XKR9: variants seen among roughly 807,000 people sequenced by gnomAD.
XKR9 encodes XK-related protein 9.
A neutral mutation model predicts 32.0 loss-of-function variants in XKR9; 32 were observed. The ratio of observed to expected loss-of-function variants is 1.00; its 90% confidence interval spans 0.76 to 1.34. The LOEUF is 1.34. XKR9 is among the 40% of genes most tolerant of loss of function. XKR9 has a pLI of 0.00. For synonymous variants in XKR9, 168 were observed against 143.4 expected (o/e 1.17, Z -1.22); for missense variants, 546 against 429.7 (o/e 1.27, Z -2.39).
chr8:70,914,958 A>T, the XKR9 span, among the ~76,000 whole-genome samples: 1 of 152,302 alleles, frequency 6.6e-6, no homozygotes, highest in African/African-American at 2.4e-5. Flanking sequence ...TGGAGTTATT[A>T]TTCAAAACAG....
the XKR9 span, among the ~76,000 whole-genome samples, chr8:70,986,049 AAAT>A: frequency 6.6e-6 from 1 of 152,252 alleles, no homozygotes; most frequent in African/African-American, 2.4e-5. Context: ...ATTACAGACC[AAAT>A]AATAATACTT....
At chr8:70,784,457 T>C (rs1484562724) in intron 2 of XKR9, among the ~76,000 whole-genome samples, 1 of 152,090 alleles carries the variant, frequency 6.6e-6, no homozygotes, top group Non-Finnish European at 1.5e-5. Context: ...TTGTACCTAT[T>C]GTAAGTGGGA....
At chr8:70,854,521 T>G in the XKR9 span, among the ~76,000 whole-genome samples, 9 of 152,150 alleles carry the variant, frequency 5.9e-5, no homozygotes, top group South Asian at 2.1e-4. Flanking sequence ...AAGCTCTTTA[T>G]TTTAATTAGA....
intron 3 of XKR9, among the ~76,000 whole-genome samples, chr8:70,693,378 C>T (rs1377217924): frequency 6.6e-6 from 1 of 152,130 alleles, no homozygotes; most frequent in African/African-American, 2.4e-5. Context: ...GCTTATCAGT[C>T]AGTTGGTAGA....
chr8:70,855,826 C>T, the XKR9 span, among the ~76,000 whole-genome samples: 1 of 152,204 alleles, frequency 6.6e-6, no homozygotes, highest in African/African-American at 2.4e-5. Context: ...CAATATTCAA[C>T]AATCTTAAAG....
At chr8:70,698,559 G>A (rs925291986) in intron 3 of XKR9, among the ~76,000 whole-genome samples, 6 of 151,932 alleles carry the variant, frequency 3.9e-5, no homozygotes, top group Non-Finnish European at 5.9e-5. Context: ...ACAGTTTGTT[G>A]TAATTTCTGT....
chr8:70,947,462 A>T, the XKR9 span, among the ~76,000 whole-genome samples: 4 of 152,224 alleles, frequency 2.6e-5, no homozygotes, highest in African/African-American at 9.6e-5. Context: ...TTAAGTACAA[A>T]TATATCATTT....
chr8:70,773,360 C>T (rs1339556129), intron 2 of XKR9, among the ~76,000 whole-genome samples: 1 of 152,166 alleles, frequency 6.6e-6, no homozygotes, highest in Non-Finnish European at 1.5e-5. Flanking sequence ...ATTCTGCCTG[C>T]AAGAGGCTAA....
chr8:70,895,821 C>CAA, the XKR9 span, among the ~76,000 whole-genome samples: 8,837 of 63,652 alleles, frequency 0.14, 413 homozygotes, highest in Non-Finnish European at 0.17. Context: ...CCTACCTCTA[C>CAA]AAAAAAAAAA....
chr8:70,801,016 G>A, the XKR9 span, among the ~76,000 whole-genome samples: 111 of 145,484 alleles, frequency 7.6e-4, no homozygotes, highest in Middle Eastern at 3.7e-3. Context: ...TCTGGTGTTC[G>A]TAGTAATATC....
chr8:70,995,298 A>G, the XKR9 span, among the ~76,000 whole-genome samples: 2 of 152,208 alleles, frequency 1.3e-5, no homozygotes, highest in Non-Finnish European at 2.9e-5. Context: ...GAAATTAAGA[A>G]ATAACTATGA....
At chr8:70,813,067 A>G in the XKR9 span, among the ~76,000 whole-genome samples, 1 of 152,160 alleles carries the variant, frequency 6.6e-6, no homozygotes, top group Non-Finnish European at 1.5e-5. Flanking sequence ...AGTAACCAAA[A>G]CAGCATGGTA....
chr8:70,757,548 CATGTATGT>C (rs57117853), intron 2 of XKR9, among the ~76,000 whole-genome samples: 3,186 of 150,328 alleles, frequency 0.021, 112 homozygotes, highest in African/African-American at 0.069. Context: ...CTTCTTTCAT[CATGTATGT>C]ATGTATGTAT....
chr8:70,969,016 G>A, the XKR9 span, among the ~76,000 whole-genome samples: 4 of 152,058 alleles, frequency 2.6e-5, no homozygotes, highest in East Asian at 1.9e-4. Context: ...CAGACCTCCC[G>A]GACTCTAAAG....
intron 4 of XKR9, among the ~76,000 whole-genome samples, chr8:70,722,273 A>T (rs1255393486): frequency 2.0e-5 from 3 of 152,124 alleles, no homozygotes; most frequent in African/African-American, 2.4e-5. Flanking sequence ...GTGTCTTTTA[A>T]TTGGAGCATT....
At chr8:70,910,531 A>G in the XKR9 span, among the ~76,000 whole-genome samples, 1 of 152,204 alleles carries the variant, frequency 6.6e-6, no homozygotes, top group Non-Finnish European at 1.5e-5. Flanking sequence ...CATTTATTAG[A>G]ACCCTATTAC....
the XKR9 span, among the ~76,000 whole-genome samples, chr8:70,819,790 A>G: frequency 6.6e-6 from 1 of 152,138 alleles, no homozygotes; most frequent in Non-Finnish European, 1.5e-5. Context: ...CCATTAGTTA[A>G]TCGTTCCTGT....
chr8:71,051,735 G>A, the XKR9 span, among the ~76,000 whole-genome samples: 4 of 152,170 alleles, frequency 2.6e-5, no homozygotes, highest in Admixed American at 1.3e-4. Context: ...TTACAAAGGC[G>A]ATAATAGAAA....
chr8:70,854,954 A>G, the XKR9 span, among the ~76,000 whole-genome samples: 31 of 152,198 alleles, frequency 2.0e-4, no homozygotes, highest in Admixed American at 5.9e-4. Context: ...GTCATGTAGC[A>G]TGATGCCTCC....
Sources: gnomAD v4.1 joint callset for allele counts (sites outside exome capture counted in the v4.1 genomes callset) on GRCh38, gnomAD v4.1.1 for gene constraint, MANE v1.5 for transcripts, NCBI Gene and HGNC (gene_info 2026-07-23, HGNC 2026-07-21) for gene names.